DRD2: variants seen among roughly 807,000 people sequenced by gnomAD.
The protein encoded by DRD2 is D(2) dopamine receptor.
A neutral mutation model predicts 38.0 loss-of-function variants in DRD2; 8 were observed. That is an observed-to-expected ratio of 0.21 (90% CI 0.12 to 0.38). The LOEUF is 0.38. Among genes scored for constraint, DRD2 ranks in the 10% least tolerant of loss-of-function variants. DRD2 has a pLI of 1.00. For synonymous variants in DRD2, 230 were observed against 238.6 expected, an observed-to-expected ratio of 0.96 and a Z score of 0.33; for missense variants, 403 against 607.7, an observed-to-expected ratio of 0.66 and a Z score of 3.54.
chr11:113,449,591 A>C (rs1427273895), intron 1 of DRD2, among the ~76,000 whole-genome samples: 1 of 152,104 alleles, frequency 6.6e-6, no homozygotes, highest in East Asian at 1.9e-4. Context: ...GTGCACAGTA[A>C]AACTTCTAGA....
At chr11:113,435,492 TG>T (rs1951027036) in intron 1 of DRD2, among the ~76,000 whole-genome samples, 1 of 151,696 alleles carries the variant, frequency 6.6e-6, no homozygotes, top group African/African-American at 2.4e-5. Context: ...AGAAGACTGG[TG>T]GGTGGGAGGC....
chr11:113,440,886 G>A (rs1951084095), intron 1 of DRD2, among the ~76,000 whole-genome samples: 1 of 152,188 alleles, frequency 6.6e-6, no homozygotes, highest in Non-Finnish European at 1.5e-5. Flanking sequence ...ACACAGATGA[G>A]CTAAGTTTTC....
At position 113,424,496 on chromosome 11, in the gene DRD2, G is replaced by A. The variant is rs201114741; in HGVS notation, c.156C>T (p.Asn52=). The change falls in exon 2 of 8, where the codon AAC becomes AAT. Residue 52 remains asparagine (N), a synonymous_variant. Transcript: ENST00000362072. Reference sequence around the variant, plus strand: ...GGGACACAGCCATGCACACCAGCACGTTGCCGAAGACGATGACAGCGATGA... The same window carrying A: ...GGGACACAGCCATGCACACCAGCACATTGCCGAAGACGATGACAGCGATGA... ...TLLIAVIVFG[N]VLVCMAVSRE... 109 of 1,614,244 alleles carry A rather than the reference G, an allele frequency of 6.8e-5. 1 individual carries two copies. In the South Asian group the frequency reaches 8.7e-4, roughly 13 times the overall value.
At chr11:113,424,122 C>T (rs1950912758) in intron 2 of DRD2, among the ~76,000 whole-genome samples, 1 of 152,156 alleles carries the variant, frequency 6.6e-6, no homozygotes, top group Non-Finnish European at 1.5e-5. Flanking sequence ...TAGGAAAATG[C>T]TATATTTAAA....
At chr11:113,436,727 T>C (rs956425853) in intron 1 of DRD2, among the ~76,000 whole-genome samples, 1 of 152,218 alleles carries the variant, frequency 6.6e-6, no homozygotes, top group African/African-American at 2.4e-5. Context: ...ATTTTGTATA[T>C]GTTTGAAATT....
intron 1 of DRD2, among the ~76,000 whole-genome samples, chr11:113,467,888 T>C (rs1164581066): frequency 6.6e-6 from 1 of 152,210 alleles, no homozygotes; most frequent in Non-Finnish European, 1.5e-5. Flanking sequence ...CCAAAGAATT[T>C]TGGTGCAGAT....
At chr11:113,452,442 G>A in intron 1 of DRD2, among the ~76,000 whole-genome samples, 1 of 74,202 alleles carries the variant, frequency 1.3e-5, no homozygotes, top group African/African-American at 4.1e-5. Context: ...ATGCGTGTGT[G>A]TGTGTGTGTG....
chr11:113,425,885 G>C (rs576984059), intron 1 of DRD2, among the ~76,000 whole-genome samples: 1 of 152,018 alleles, frequency 6.6e-6, no homozygotes, highest in Non-Finnish European at 1.5e-5. Context: ...AAAATGTAGG[G>C]TATGGCAGTA....
chr11:113,441,974 C>T (rs1366589668), intron 1 of DRD2, among the ~76,000 whole-genome samples: 1 of 151,874 alleles, frequency 6.6e-6, no homozygotes, highest in Non-Finnish European at 1.5e-5. Flanking sequence ...GCTACACCTC[C>T]ACGCTTGTTC....
intron 2 of DRD2, among the ~76,000 whole-genome samples, chr11:113,422,581 G>A (rs1418443429): frequency 1.3e-5 from 2 of 152,144 alleles, no homozygotes; most frequent in East Asian, 3.9e-4. Context: ...TGGACTCCTG[G>A]CCTGTGTCAA....
chr11:113,468,242 G>A (rs935609695), intron 1 of DRD2, among the ~76,000 whole-genome samples: 2 of 152,208 alleles, frequency 1.3e-5, no homozygotes, highest in Admixed American at 6.5e-5. Context: ...AAGTGTTAGA[G>A]TCAGGATTCA....
chr11:113,453,558 C>T (rs1298872066), intron 1 of DRD2, among the ~76,000 whole-genome samples: 1 of 152,154 alleles, frequency 6.6e-6, no homozygotes, highest in East Asian at 1.9e-4. Context: ...ATTTCAAGTT[C>T]GTAAAATAAT....
At chr11:113,442,929 G>C (rs1010531827) in intron 1 of DRD2, among the ~76,000 whole-genome samples, 2 of 152,124 alleles carry the variant, frequency 1.3e-5, no homozygotes, top group Admixed American at 1.3e-4. Flanking sequence ...TGGGCTCCCC[G>C]AGGGAAGGCT....
chr11:113,432,381 A>G (rs74894768), intron 1 of DRD2, among the ~76,000 whole-genome samples: 12 of 150,814 alleles, frequency 8.0e-5, no homozygotes, highest in Admixed American at 7.9e-4. Context: ...CAGAGCTAGA[A>G]AGGTGGGGGA....
chr11:113,460,419 G>A (rs1397365341), intron 1 of DRD2, among the ~76,000 whole-genome samples: 1 of 152,250 alleles, frequency 6.6e-6, no homozygotes, highest in African/African-American at 2.4e-5. Flanking sequence ...TGGACTGGCT[G>A]TGATCTTGAC....
intron 1 of DRD2, among the ~76,000 whole-genome samples, chr11:113,459,589 A>T (rs1951298565): frequency 6.6e-6 from 1 of 152,180 alleles, no homozygotes; most frequent in African/African-American, 2.4e-5. Flanking sequence ...GAACTAAAAA[A>T]GGTGGATCTC....
intron 7 of DRD2, among the ~76,000 whole-genome samples, chr11:113,412,348 T>C (rs1950776880): frequency 6.6e-6 from 1 of 152,210 alleles, no homozygotes; most frequent in Non-Finnish European, 1.5e-5. Context: ...GGTCAGGTTT[T>C]ATAACCACTC....
chr11:113,466,273 C>G (rs1464823326), intron 1 of DRD2, among the ~76,000 whole-genome samples: 1 of 152,204 alleles, frequency 6.6e-6, no homozygotes, highest in Non-Finnish European at 1.5e-5. Context: ...TCATGCTTAT[C>G]TGTACCTTTT....
intron 2 of DRD2, among the ~76,000 whole-genome samples, chr11:113,418,399 A>G (rs1046631577): frequency 6.6e-6 from 1 of 152,196 alleles, no homozygotes; most frequent in African/African-American, 2.4e-5. Flanking sequence ...GGAGGGCCTC[A>G]ACTTTAAACC....
Sources: allele counts gnomAD v4.1 joint callset (sites outside exome capture counted in the v4.1 genomes callset), GRCh38; gene constraint gnomAD v4.1.1; transcripts MANE v1.5; gene names NCBI Gene and HGNC (gene_info 2026-07-23, HGNC 2026-07-21).